FABP3: variants seen among roughly 807,000 people sequenced by gnomAD.
FABP3 encodes fatty acid-binding protein, heart.
Under a neutral mutation model 13.4 loss-of-function variants are expected in FABP3, and 8 were observed. The ratio of observed to expected loss-of-function variants is 0.60; its 90% CI spans 0.35 to 1.07. FABP3 has a LOEUF of 1.07. FABP3 is among the 50% of genes least tolerant of loss of function. The probability of loss-of-function intolerance (pLI) is 0.02; values close to 1 mark genes in which losing one functional copy is unlikely to be tolerated. For synonymous variants in FABP3, 64 were observed against 60.0 expected, an observed-to-expected ratio of 1.07 and a Z score of -0.31; for missense variants, 135 against 164.7, an observed-to-expected ratio of 0.82 and a Z score of 0.99.
At chr1:31,361,406 G>T (rs530059735), downstream of FABP3, among the ~76,000 whole-genome samples, 2 of 152,146 alleles carry the variant, frequency 1.3e-5, no homozygotes, top group African/African-American at 4.8e-5. Context: ...TGCTTATCTT[G>T]TTTAAACCTC....
At chr1:31,367,649 C>G (rs542854315) in intron 2 of FABP3, among the ~76,000 whole-genome samples, 155 bp from the exon 3 acceptor site, 1 of 152,302 alleles carries the variant, frequency 6.6e-6, no homozygotes, top group South Asian at 2.1e-4. Context: ...CCCAGCTATC[C>G]CTGCAAGACA....
intron 2 of FABP3, among the ~76,000 whole-genome samples, chr1:31,367,806 A>T (rs1281544764): frequency 1.3e-5 from 2 of 152,182 alleles, no homozygotes; most frequent in African/African-American, 4.8e-5. Context: ...ACAGACACTT[A>T]TCTGTACTCT....
downstream of FABP3, among the ~76,000 whole-genome samples, chr1:31,362,059 C>T (rs2148487772): frequency 6.6e-6 from 1 of 152,316 alleles, no homozygotes; most frequent in South Asian, 2.1e-4. Flanking sequence ...ATCCACCTGC[C>T]TTGGCCTCCC....
At chr1:31,372,089 A>G (rs1239284095) in intron 1 of FABP3, among the ~76,000 whole-genome samples, 1 of 152,084 alleles carries the variant, frequency 6.6e-6, no homozygotes, top group African/African-American at 2.4e-5. Flanking sequence ...GATTCTTTGA[A>G]TCCTGATTCT....
chr1:31,363,191 T>G (rs576171637), downstream of FABP3, among the ~76,000 whole-genome samples: 34 of 150,466 alleles, frequency 2.3e-4, no homozygotes, highest in South Asian at 5.7e-3. Context: ...ACTTTTTTTT[T>G]TTTTTTTTTT....
chr1:31,360,795 G>A (rs1294003366), downstream of FABP3, among the ~76,000 whole-genome samples: 2 of 152,120 alleles, frequency 1.3e-5, no homozygotes, highest in East Asian at 1.9e-4. Flanking sequence ...AGCCTTGGTC[G>A]ACTCACTTTA....
chr1:31,367,135 A>G (rs1569973714), intron 3 of FABP3, among the ~76,000 whole-genome samples: 1 of 152,138 alleles, frequency 6.6e-6, no homozygotes, highest in Non-Finnish European at 1.5e-5. Context: ...TATTATTAAT[A>G]CCCGTTTTAC....
chr1:31,359,718 A>AC, the FABP3 span, among the ~76,000 whole-genome samples: 1 of 152,200 alleles, frequency 6.6e-6, no homozygotes, highest in East Asian at 1.9e-4. Context: ...CCTAGAGAGC[A>AC]GTCTTTGAGA....
rs1400713936 is a variant in FABP3 at position 31,369,487 on chromosome 1, G to A, written c.144C>T (p.Asp48=). 8 of 1,614,048 alleles carry A rather than the reference G, an allele frequency of 5.0e-6. No individual in the cohort carries two copies. The highest frequency in any genetic ancestry group is 2.5e-6 in the Non-Finnish European group (3 of 1,180,038). Residue 48 remains aspartate (D), a synonymous_variant, in exon 2 of 4, where the codon GAC becomes GAT. Coordinates refer to ENST00000373713, the MANE Select transcript of FABP3 (RefSeq NM_004102.5). ...KPTTIIEKNG[D]ILTLKTHSTF... is the part of the protein sequence containing the mutation. ...TGCTGTGTGTTTTTAGGGTGAGAAT[G>A]TCCCCATTCTTTTCGATGATTGTGG...
rs986903450 is a variant in FABP3, at chr1:31,369,282, A to G, written c.246+103T>C. The G allele has an allele frequency of 2.0e-4, 241 of 1,186,838 alleles. 3 individuals are homozygous for G. Among genetic ancestry groups the G allele is most frequent in the Middle Eastern group, 2.1e-4 (1 of 4,796 alleles). 73.5% of individuals were successfully genotyped at this position (1,186,838 alleles called of 1,614,324 possible). ...TTGTTTCATTTAAATTCCCCATGAT[A>G]GTCTGCCCCTCAGGGTGCAATACCA... On this transcript the variant is annotated intron_variant, in intron 2 of 3. Transcript: ENST00000373713.
chr1:31,371,955 C>T (rs1248766293), intron 1 of FABP3, among the ~76,000 whole-genome samples: 2 of 152,170 alleles, frequency 1.3e-5, no homozygotes, highest in African/African-American at 4.8e-5. Flanking sequence ...GGTTACAGAT[C>T]TAGAAACCTT....
intron 1 of FABP3, 130 bp from the exon 2 acceptor site, chr1:31,369,687 G>A (rs1640174821): frequency 1.1e-5 from 9 of 848,324 alleles, no homozygotes; most frequent in Middle Eastern, 3.2e-4. Context: ...CCTTTGCATG[G>A]GAATTTTAAA....
At chr1:31,366,754 C>G (rs1489879018) in intron 3 of FABP3, among the ~76,000 whole-genome samples, 1 of 152,126 alleles carries the variant, frequency 6.6e-6, no homozygotes, top group East Asian at 1.9e-4. Context: ...ACTTCCTACC[C>G]AAGCAGTAGT....
At chr1:31,363,427 C>T (rs1395639672), downstream of FABP3, among the ~76,000 whole-genome samples, 2 of 152,154 alleles carry the variant, frequency 1.3e-5, no homozygotes, top group Non-Finnish European at 2.9e-5. Context: ...TCGTGATCCA[C>T]CTGCCTCGGC....
rs1214959422 is a variant in FABP3 at position 31,367,496 on chromosome 1, T to C, written c.247-2A>G. The C allele has an allele frequency of 6.2e-7, 1 of 1,612,140 alleles. No individual in the cohort carries two copies. Among genetic ancestry groups the C allele is most frequent in the African/African-American group, 1.3e-5 (1 of 74,880 alleles). ...CCCTCCATCCAGTGTCACAATGGACTGTGGAAAGAGGGTAGAGGCCTGAGC... is the reference window on the plus strand; with the variant it reads ...CCCTCCATCCAGTGTCACAATGGACCGTGGAAAGAGGGTAGAGGCCTGAGC... On this transcript the variant is annotated splice_acceptor_variant, in intron 2 of 3. Coordinates refer to ENST00000373713, the MANE Select transcript of FABP3 (RefSeq NM_004102.5). LOFTEE classifies it high-confidence loss of function.
downstream of FABP3, chr1:31,364,085 A>G: frequency 6.2e-7 from 1 of 1,613,890 alleles, no homozygotes; most frequent in Non-Finnish European, 8.5e-7. Flanking sequence ...CTGACAGCTC[A>G]GACTCTGAGA....
chr1:31,365,518 C>T lies in FABP3; in HGVS notation c.*368G>A, dbSNP rs957534690. 6 of 245,392 alleles carry T rather than the reference C, an allele frequency of 2.4e-5. No homozygotes were observed. The highest frequency in any genetic ancestry group is 1.5e-4 in the Admixed American group (3 of 19,982). 15.2% of individuals were successfully genotyped at this position (245,392 alleles called of 1,614,324 possible). The stretch of plus-strand genomic sequence containing the variant: ...AGGTGATCAGCTGATTAACAGGCTC[C>T]GAGACTGTCCATTTCAGTCTCCCAT... On this transcript the variant is annotated 3_prime_UTR_variant, in exon 4 of 4. Transcript: ENST00000373713.
At chr1:31,368,795 A>G (rs965908076) in intron 2 of FABP3, among the ~76,000 whole-genome samples, 2 of 152,230 alleles carry the variant, frequency 1.3e-5, no homozygotes, top group Non-Finnish European at 2.9e-5. Flanking sequence ...TGAATGCCCT[A>G]TCACGGAACA....
rs1482644078 is a variant in FABP3, at chr1:31,373,061, C to A, written c.-47G>T. On this transcript the variant is annotated 5_prime_UTR_variant, in exon 1 of 4. Transcript: ENST00000373713. The stretch of plus-strand genomic sequence containing the variant: ...GAGAAGCTACAAGAGAGCAGGCGTG[C>A]AAGGGCTCCGACGGCGGCTCCCTGC... 6.3e-7 allele frequency: 1 copy of A among 1,588,692 alleles called. No homozygotes were observed. Among genetic ancestry groups the A allele is most frequent in the African/African-American group, 1.3e-5 (1 of 74,442 alleles).
Sources: gnomAD v4.1 joint callset for allele counts (sites outside exome capture counted in the v4.1 genomes callset) on GRCh38, gnomAD v4.1.1 for gene constraint, MANE v1.5 for transcripts, NCBI Gene and HGNC (gene_info 2026-07-23, HGNC 2026-07-21) for gene names.